Variants in TMTC2 observed in about 807,000 individuals in gnomAD.
TMTC2 encodes the protein protein O-mannosyl-transferase TMTC2.
Under a neutral mutation model 82.4 loss-of-function variants are expected in TMTC2, and 43 were observed. The ratio of observed to expected loss-of-function variants is 0.52; its 90% CI spans 0.41 to 0.67. The LOEUF (loss-of-function observed/expected upper bound fraction) is 0.67, where lower values mean the gene tolerates loss of function less well. TMTC2 is among the 30% of genes least tolerant of loss of function. The probability of loss-of-function intolerance (pLI) is 0.00; values close to 1 mark genes in which losing one functional copy is unlikely to be tolerated. For missense variants in TMTC2, 919 were observed against 1,012.4 expected, an observed-to-expected ratio of 0.91 and a Z score of 1.25; for synonymous variants, 408 against 381.9, an observed-to-expected ratio of 1.07 and a Z score of -0.80.
intron 1 of TMTC2, among the ~76,000 whole-genome samples, chr12:82,825,138 T>C (rs1405078736): frequency 2.0e-5 from 3 of 151,608 alleles, no homozygotes; most frequent in Non-Finnish European, 4.4e-5. Context: ...GAAGACACTG[T>C]ATGTTTTATT....
intron 3 of TMTC2, among the ~76,000 whole-genome samples, chr12:82,922,421 G>T (rs1875451803): frequency 6.6e-6 from 1 of 152,074 alleles, no homozygotes; most frequent in Non-Finnish European, 1.5e-5. Flanking sequence ...GTAGGATATA[G>T]CATAACTGCA....
At chr12:82,803,109 TA>T (rs1879087305) in intron 1 of TMTC2, among the ~76,000 whole-genome samples, 2 of 152,158 alleles carry the variant, frequency 1.3e-5, no homozygotes, top group African/African-American at 2.4e-5. Context: ...GTGGCAAATG[TA>T]AAGAATACAA....
chr12:83,123,468 A>G (rs1297626429), intron 11 of TMTC2, among the ~76,000 whole-genome samples: 1 of 152,258 alleles, frequency 6.6e-6, no homozygotes, highest in Non-Finnish European at 1.5e-5. Flanking sequence ...ATATGACTGT[A>G]GTCAAAATAA....
intron 4 of TMTC2, among the ~76,000 whole-genome samples, chr12:82,959,820 C>G (rs1177684203): frequency 6.6e-6 from 1 of 151,972 alleles, no homozygotes. Flanking sequence ...CAAAAATTAA[C>G]AAGCAGCACC....
intron 3 of TMTC2, among the ~76,000 whole-genome samples, chr12:82,899,812 C>T (rs897675556): frequency 8.4e-6 from 1 of 119,184 alleles, no homozygotes; most frequent in African/African-American, 3.8e-5. Context: ...TATATATATC[C>T]GGAATATAGA....
At chr12:83,087,512 A>G (rs1883703333) in intron 11 of TMTC2, among the ~76,000 whole-genome samples, 2 of 152,250 alleles carry the variant, frequency 1.3e-5, no homozygotes, top group South Asian at 4.1e-4. Flanking sequence ...TGTAGTAGCT[A>G]TAGCCTTAAA....
chr12:82,752,248 G>A (rs572927583), intron 1 of TMTC2, among the ~76,000 whole-genome samples: 1 of 151,346 alleles, frequency 6.6e-6, no homozygotes, highest in South Asian at 2.1e-4. Flanking sequence ...ACTTTGGGAG[G>A]CCAAGGAGGG....
chr12:82,749,842 A>T (rs1243356353), intron 1 of TMTC2, among the ~76,000 whole-genome samples: 2 of 151,354 alleles, frequency 1.3e-5, no homozygotes, highest in African/African-American at 2.4e-5. Context: ...GGTTCAAGCA[A>T]TTCTCCTGCC....
intron 4 of TMTC2, among the ~76,000 whole-genome samples, chr12:82,957,157 A>C (rs1299573746): frequency 6.6e-6 from 1 of 152,104 alleles, no homozygotes; most frequent in Non-Finnish European, 1.5e-5. Flanking sequence ...CTAAATTAAA[A>C]ACAAAACTGA....
rs140502190 is a variant in TMTC2, at chr12:82,930,522, C to A, written c.1575C>A (p.Asn525Lys). 1.6e-4 allele frequency: 257 copies of A among 1,590,790 alleles called. 1 individual carries two copies. In the South Asian group the frequency reaches 2.4e-3, roughly 15 times the overall value. ...GAAATGCTTTGTACTACCGCAGCAACATGGCTGACATGCTTTATAATTTGT... is the reference window on the plus strand; with the variant it reads ...GAAATGCTTTGTACTACCGCAGCAAAATGGCTGACATGCTTTATAATTTGT... Reference protein sequence around the residue: ...AYRNALYYRSNMADMLYNLGL... With the variant: ...AYRNALYYRSKMADMLYNLGL... Residue 525 changes from asparagine to lysine, a missense_variant, in exon 4 of 12, where the codon AAC (asparagine) becomes AAA (lysine). Asn to Lys is a moderately conservative substitution (Grantham distance 94, BLOSUM62 0). Coordinates refer to ENST00000321196, the MANE Select transcript of TMTC2 (RefSeq NM_152588.3).
rs7979802 is a variant in TMTC2 at position 83,039,305 on chromosome 12, T to G, written c.2152+8426T>G. Among the ~76,000 whole-genome samples, 561 of 152,238 alleles carry G rather than the reference T, an allele frequency of 3.7e-3. 5 individuals are homozygous for G. The highest frequency in any genetic ancestry group is 0.024 in the South Asian group (114 of 4,820). ...ATGGTAACCAACCAATTATCCATAA[T>G]TATTGAATAGAACTCAACATGTAAA... is the stretch of plus-strand genomic sequence containing the variant. On this transcript the variant is annotated intron_variant, in intron 9 of 11. Coordinates refer to ENST00000321196, the MANE Select transcript of TMTC2 (RefSeq NM_152588.3).
At chr12:83,013,888 G>T (rs1168958725) in intron 8 of TMTC2, among the ~76,000 whole-genome samples, 2 of 152,096 alleles carry the variant, frequency 1.3e-5, no homozygotes. Flanking sequence ...ATATTTCTAG[G>T]GCGAGGTGGG....
intron 9 of TMTC2, among the ~76,000 whole-genome samples, chr12:83,042,339 G>GT (rs746377496): frequency 6.6e-6 from 1 of 152,162 alleles, no homozygotes; most frequent in African/African-American, 2.4e-5. Flanking sequence ...ACTCCCTAGT[G>GT]TAAGAATGCA....
intron 11 of TMTC2, among the ~76,000 whole-genome samples, chr12:83,090,869 C>T (rs1439454659): frequency 6.6e-6 from 1 of 152,180 alleles, no homozygotes; most frequent in African/African-American, 2.4e-5. Context: ...ATACATCCAG[C>T]CATATCAGGC....
In TMTC2 at chr12:83,030,802, G is replaced by GT. The variant is rs1468377226; in HGVS notation, c.2076dup (p.Lys693Ter). 1 of 1,612,646 alleles carries GT rather than the reference G, an allele frequency of 6.2e-7. No homozygotes were observed. Among genetic ancestry groups the GT allele is most frequent in the East Asian group, 2.2e-5 (1 of 44,834 alleles). On this transcript the variant is annotated frameshift_variant, in exon 9 of 12. Transcript: ENST00000321196. LOFTEE classifies it high-confidence loss of function. ...CCATTTTCTCTGTTTTTCAAGGGTC[G>GT]TAAGAGTGAGGCTGAAAAGCTCTTC...
rs2137579969 is a variant in TMTC2, at chr12:83,134,461, T to C, written c.*2072T>C. 6.6e-6 allele frequency: 1 copy of C among 152,312 alleles called. No individual in the cohort carries two copies. The highest frequency in any genetic ancestry group is 1.9e-4 in the East Asian group (1 of 5,186). The allele number at this position is 152,312 out of a possible 1,614,324, so 9.4% of individuals were successfully genotyped here. ...TGTGGTTCTTAATAGGTTCACTGAA[T>C]GCACAGTTGAGGCACTTCTTGTGAC... On this transcript the variant is annotated 3_prime_UTR_variant, in exon 12 of 12. Transcript: ENST00000321196.
intron 1 of TMTC2, among the ~76,000 whole-genome samples, chr12:82,758,375 A>G (rs1428521852): frequency 1.3e-5 from 2 of 152,124 alleles, no homozygotes; most frequent in African/African-American, 4.8e-5. Flanking sequence ...TGTTTTATTC[A>G]TTTGTACTGC....
intron 9 of TMTC2, 103 bp from the exon 10 acceptor site, chr12:83,050,801 G>C: frequency 1.6e-6 from 1 of 631,184 alleles, no homozygotes; most frequent in South Asian, 2.4e-5. Context: ...TTAAATCTTA[G>C]CTTCAAATCA....
intron 1 of TMTC2, among the ~76,000 whole-genome samples, chr12:82,856,559 C>T (rs1327746838): frequency 2.0e-5 from 3 of 152,102 alleles, no homozygotes; most frequent in African/African-American, 4.8e-5. Context: ...TGAGAAGCAC[C>T]GGGCACTGAT....
Sources: allele counts gnomAD v4.1 joint callset (sites outside exome capture counted in the v4.1 genomes callset), GRCh38; gene constraint gnomAD v4.1.1; transcripts MANE v1.5; gene names NCBI Gene and HGNC (gene_info 2026-07-23, HGNC 2026-07-21).